Variants in EFCAB6 observed in about 807,000 individuals in gnomAD.
The protein encoded by EFCAB6 is EF-hand calcium binding domain 6.
In EFCAB6, 156 loss-of-function variants were observed where a neutral mutation model predicts 169.8. That is an observed-to-expected ratio of 0.92 (90% CI 0.81 to 1.05). The LOEUF is 1.05. EFCAB6 is among the 50% of genes least tolerant of loss of function. The pLI is 0.00. For missense variants in EFCAB6, 1,800 were observed against 1,829.1 expected, an observed-to-expected ratio of 0.98 and a Z score of 0.29; for synonymous variants, 698 against 676.4, an observed-to-expected ratio of 1.03 and a Z score of -0.50.
intron 17 of EFCAB6, among the ~76,000 whole-genome samples, chr22:43,650,020 G>A (rs2056389377): frequency 6.6e-6 from 1 of 152,222 alleles, no homozygotes; most frequent in Non-Finnish European, 1.5e-5. Flanking sequence ...TCCTCCCAAA[G>A]TATTTGGTGA....
At chr22:43,756,206 G>A (rs1029873704) in intron 5 of EFCAB6, among the ~76,000 whole-genome samples, 2 of 152,186 alleles carry the variant, frequency 1.3e-5, no homozygotes, top group African/African-American at 2.4e-5. Flanking sequence ...CGAGGAGACT[G>A]ACGGGGATCT....
rs755268634 is a variant in EFCAB6, at chr22:43,576,395, T to G, written c.3322A>C (p.Asn1108His). ...TTCCTCAAAAAATAATGATACTGAT[T>G]GTCCGTTAGTTTGTAACAGAAATCC... ...LKDFCYKLTD[N>H]QYHYFLRKLR... is the part of the protein sequence containing the mutation. The change falls in exon 26 of 32, where the codon AAT (asparagine) becomes CAT (histidine). Residue 1108 changes from asparagine (N) to histidine (H), a missense_variant. Physicochemically the swap from Asn to His is moderately conservative, Grantham distance 68. Transcript: ENST00000262726. The G allele has an allele frequency of 1.9e-6, 3 of 1,605,286 alleles. No homozygotes were observed. Among genetic ancestry groups the G allele is most frequent in the Non-Finnish European group, 1.7e-6 (2 of 1,177,654 alleles).
chr22:43,568,560 A>C (rs915318353), intron 26 of EFCAB6, among the ~76,000 whole-genome samples: 1 of 152,284 alleles, frequency 6.6e-6, no homozygotes, highest in Admixed American at 6.5e-5. Flanking sequence ...GGAGGCTAGG[A>C]ATCAAGAAGA....
intron 8 of EFCAB6, among the ~76,000 whole-genome samples, chr22:43,722,055 C>G (rs929999809): frequency 2.6e-5 from 4 of 151,922 alleles, no homozygotes; most frequent in African/African-American, 9.7e-5. Context: ...AAGCAGAAAA[C>G]AAATAACCCC....
intron 21 of EFCAB6, among the ~76,000 whole-genome samples, chr22:43,614,455 T>TCCACAAAA (rs1243160057): frequency 1.3e-5 from 2 of 152,176 alleles, no homozygotes; most frequent in Non-Finnish European, 2.9e-5. Context: ...CACACAGACC[T>TCCACAAAA]TATACCCTCC....
Position 43,626,442 on chromosome 22 carries a change from C to T in EFCAB6, c.2465+5G>A. On this transcript the variant is annotated splice_donor_5th_base_variant and intron_variant, in intron 20 of 31. Transcript: ENST00000262726. ...TAAAGACACAGACCCGTGCTGCCTT[C>T]TTACCTAATGAGTCTTTGAGGCGCT... 6.2e-7 allele frequency: 1 copy of T among 1,613,766 alleles called. No homozygotes were observed. The highest frequency in any genetic ancestry group is 8.5e-7 in the Non-Finnish European group (1 of 1,179,808).
At chr22:43,595,923 G>T (rs1052905753) in intron 23 of EFCAB6, among the ~76,000 whole-genome samples, 1 of 152,048 alleles carries the variant, frequency 6.6e-6, no homozygotes, top group Non-Finnish European at 1.5e-5. Flanking sequence ...TTCATCCCAG[G>T]GATGCAAGGA....
chr22:43,649,638 A>G (rs1043477146), intron 17 of EFCAB6, among the ~76,000 whole-genome samples: 17 of 152,252 alleles, frequency 1.1e-4, no homozygotes, highest in Admixed American at 3.3e-4. Flanking sequence ...TGAATGCCCA[A>G]CAAAAAGAGA....
At chr22:43,664,741 G>A (rs1007297784) in intron 17 of EFCAB6, among the ~76,000 whole-genome samples, 2 of 152,176 alleles carry the variant, frequency 1.3e-5, no homozygotes, top group Non-Finnish European at 2.9e-5. Context: ...TTGAGCAAGG[G>A]GAGGATGACC....
At chr22:43,726,276 CAAAAAA>C (rs3994547) in intron 8 of EFCAB6, among the ~76,000 whole-genome samples, 3 of 59,356 alleles carry the variant, frequency 5.1e-5, no homozygotes, top group African/African-American at 7.3e-5. Flanking sequence ...AAAAATTCAC[CAAAAAA>C]AAAAAAAAAA....
intron 5 of EFCAB6, among the ~76,000 whole-genome samples, chr22:43,762,579 G>A (rs368832069): frequency 5.3e-5 from 8 of 152,128 alleles, no homozygotes; most frequent in East Asian, 1.9e-4. Flanking sequence ...ATAGCCTACC[G>A]TATTGCTAGA....
At chr22:43,753,019 C>T (rs2060825111) in intron 6 of EFCAB6, among the ~76,000 whole-genome samples, 1 of 152,160 alleles carries the variant, frequency 6.6e-6, no homozygotes, top group Non-Finnish European at 1.5e-5. Flanking sequence ...GCTTTGCTTA[C>T]ATTCATTCTT....
At chr22:43,641,602 G>A (rs1462482890) in intron 17 of EFCAB6, among the ~76,000 whole-genome samples, 2 of 123,350 alleles carry the variant, frequency 1.6e-5, no homozygotes, top group Non-Finnish European at 3.3e-5. Context: ...GGAGACAAAA[G>A]CAAAACTCCA....
At chr22:43,627,984 A>G (rs1041331220) in intron 19 of EFCAB6, among the ~76,000 whole-genome samples, 1 of 152,196 alleles carries the variant, frequency 6.6e-6, no homozygotes, top group Non-Finnish European at 1.5e-5. Flanking sequence ...ACAGTGTGGC[A>G]GGGAGGCTGA....
chr22:43,573,184 G>T (rs181085348), intron 26 of EFCAB6, among the ~76,000 whole-genome samples: 21 of 152,260 alleles, frequency 1.4e-4, no homozygotes, highest in African/African-American at 4.8e-4. Context: ...TGCAGCTGAA[G>T]AAACAGCAAA....
chr22:43,727,267 A>G (rs2059771240), intron 8 of EFCAB6, among the ~76,000 whole-genome samples: 1 of 152,112 alleles, frequency 6.6e-6, no homozygotes, highest in African/African-American at 2.4e-5. Context: ...CTCCACAAAA[A>G]ATAATTTTAA....
At chr22:43,562,273 G>A (rs1160888467) in intron 26 of EFCAB6, among the ~76,000 whole-genome samples, 4 of 152,138 alleles carry the variant, frequency 2.6e-5, no homozygotes, top group South Asian at 4.1e-4. Flanking sequence ...TGACTACACC[G>A]TAATATTGGC....
chr22:43,653,635 A>G (rs2056591820), intron 17 of EFCAB6, among the ~76,000 whole-genome samples: 1 of 152,238 alleles, frequency 6.6e-6, no homozygotes, highest in Non-Finnish European at 1.5e-5. Flanking sequence ...AAGACAGAGA[A>G]TCACAGCCAT....
chr22:43,750,611 G>A (rs1405583277), intron 6 of EFCAB6, among the ~76,000 whole-genome samples: 1 of 152,220 alleles, frequency 6.6e-6, no homozygotes, highest in Non-Finnish European at 1.5e-5. Flanking sequence ...GCTTGTTTTA[G>A]TAAATGGCCT....
Sources: gnomAD v4.1 joint callset for allele counts (sites outside exome capture counted in the v4.1 genomes callset) on GRCh38, gnomAD v4.1.1 for gene constraint, MANE v1.5 for transcripts, NCBI Gene and HGNC (gene_info 2026-07-23, HGNC 2026-07-21) for gene names.